The following SLFN11 variants were observed in gnomAD, a reference collection of about 807,000 sequenced individuals.
SLFN11 encodes the protein schlafen family member 11.
SLFN11 carries 43 observed loss-of-function variants against 53.4 expected under a neutral mutation model. That is an observed-to-expected ratio of 0.80 (90% CI 0.63 to 1.04). SLFN11 has a LOEUF of 1.04. Among genes scored for constraint, SLFN11 ranks in the 50% least tolerant of loss-of-function variants. The pLI, the probability that SLFN11 is intolerant of heterozygous loss-of-function variation, is 0.00. For synonymous variants in SLFN11, 389 were observed against 394.7 expected (o/e 0.99, Z 0.17); for missense variants, 990 against 1,079.1 (o/e 0.92, Z 1.16).
chr17:35,362,688 G>T (rs1169859528), intron 4 of SLFN11, 51 bp downstream of exon 4: 1 of 1,410,982 alleles, frequency 7.1e-7, no homozygotes, highest in East Asian at 2.3e-5. Context: ...TAATATGGGA[G>T]GTCCCAAGGA....
rs1906753939 is a variant in SLFN11 at position 35,352,152 on chromosome 17, CAG to C, written c.*202_*203del. On this transcript the variant is annotated 3_prime_UTR_variant, in exon 7 of 7. Transcript: ENST00000685675. ...CCACCATCTTTCTGGCTGGAAGAGT[CAG>C]GGGTCAGAATGGGGGGCAGCCACCG... 1.4e-5 allele frequency: 9 copies of C among 621,338 alleles called. No individual in the cohort carries two copies. The highest frequency in any genetic ancestry group is 2.5e-5 in the Non-Finnish European group (9 of 360,696). 38.5% of individuals were successfully genotyped at this position (621,338 alleles called of 1,614,324 possible).
At position 35,363,086 on chromosome 17, in the gene SLFN11, G is replaced by A. The variant is rs1300466976; in HGVS notation, c.722C>T (p.Thr241Ile). The change falls in exon 4 of 7, where the codon ACT becomes ATT. Residue 241 changes from threonine (T) to isoleucine (I), a missense_variant. Physicochemically the swap from Thr to Ile is moderately conservative, Grantham distance 89. Transcript: ENST00000685675. ...TCCAATAAAAAGATAGCCTCCTCCA[G>A]TGTTTGCAAATGCAGGGACGTATTC... ...IPEYVPAFAN[T>I]GGGYLFIGVD... is the part of the protein sequence containing the mutation. The A allele has an allele frequency of 1.2e-6, 2 of 1,613,850 alleles. No homozygotes were observed. The highest frequency in any genetic ancestry group is 1.7e-5 in the Admixed American group (1 of 59,974).
rs2141985822 is a variant in SLFN11, at chr17:35,368,171, C to T, written c.-234-471G>A. On this transcript the variant is annotated intron_variant, in intron 1 of 6. Transcript: ENST00000685675. Reference sequence around the variant, plus strand: ...TTCCCCTTTCCTTCCATCCTCCCACCCATCTCCCCTAGATCACAGGGGATT... The same window carrying T: ...TTCCCCTTTCCTTCCATCCTCCCACTCATCTCCCCTAGATCACAGGGGATT... Among the ~76,000 whole-genome samples the T allele has an allele frequency of 2.0e-5, 3 of 152,096 alleles. No individual in the cohort carries two copies. The South Asian group carries it at 6.2e-4, about 32-fold the overall frequency.
At chr17:35,356,529 G>T (rs1907490033) in intron 5 of SLFN11, among the ~76,000 whole-genome samples, 5 of 151,838 alleles carry the variant, frequency 3.3e-5, no homozygotes, top group African/African-American at 7.3e-5. Context: ...CAAATATTCT[G>T]CCCTTTCTTT....
chr17:35,360,962 C>T (rs865890241), intron 4 of SLFN11, among the ~76,000 whole-genome samples: 1 of 152,070 alleles, frequency 6.6e-6, no homozygotes, highest in African/African-American at 2.4e-5. Context: ...ATTCTGACAC[C>T]TATGCTTATT....
chr17:35,371,126 T>A (rs1909596250), intron 1 of SLFN11, among the ~76,000 whole-genome samples: 1 of 151,894 alleles, frequency 6.6e-6, no homozygotes, highest in Admixed American at 6.6e-5. Flanking sequence ...AACAGACACA[T>A]AGACCAATGG....
chr17:35,370,430 A>G (rs1909501469), intron 1 of SLFN11, among the ~76,000 whole-genome samples: 2 of 152,118 alleles, frequency 1.3e-5, no homozygotes, highest in Admixed American at 6.5e-5. Flanking sequence ...CACTATAAGG[A>G]TCCTCACTTT....
chr17:35,365,847 G>A (rs112906315), intron 3 of SLFN11, among the ~76,000 whole-genome samples: 151 of 152,134 alleles, frequency 9.9e-4, no homozygotes, highest in African/African-American at 3.0e-3. Flanking sequence ...TAATAAATAC[G>A]TTTATGTTTA....
Position 35,360,277 on chromosome 17 carries a change from T to C in SLFN11, c.1164A>G (p.Glu388=). 6.2e-7 allele frequency: 1 copy of C among 1,611,666 alleles called. No individual in the cohort carries two copies. Residue 388 remains glutamate, a synonymous_variant, in exon 5 of 7, where the codon GAA becomes GAG. Coordinates refer to ENST00000685675, the MANE Select transcript of SLFN11 (RefSeq NM_001376007.1). ...AAAGTTGCTGGAGTTCCTTTTTATG[T>C]TCCAGGCCTTTCTTGGAGTACACTG... is the stretch of plus-strand genomic sequence containing the variant. ...SRPVYSKKGL[E]HKKELQQLLF...
At chr17:35,370,024 T>A (rs1909453464) in intron 1 of SLFN11, among the ~76,000 whole-genome samples, 1 of 152,100 alleles carries the variant, frequency 6.6e-6, no homozygotes, top group Non-Finnish European at 1.5e-5. Flanking sequence ...AAGGCCAGTA[T>A]TACTGATACC....
intron 5 of SLFN11, among the ~76,000 whole-genome samples, chr17:35,355,892 G>C (rs1281330293): frequency 6.6e-6 from 1 of 152,042 alleles, no homozygotes; most frequent in Admixed American, 6.6e-5. Context: ...TCATCCTTCT[G>C]TCCTCAGAGC....
chr17:35,357,399 G>A (rs187085669), intron 5 of SLFN11, among the ~76,000 whole-genome samples: 12 of 151,720 alleles, frequency 7.9e-5, no homozygotes, highest in Admixed American at 6.6e-4. Context: ...TAAGTCTAAC[G>A]CAAAAATTAT....
Position 35,350,675 on chromosome 17 carries a change from A to ATT in SLFN11, c.*1679_*1680dup, listed in dbSNP as rs1906565520. 6.6e-6 allele frequency: 1 copy of ATT among 152,186 alleles called. No homozygotes were observed. The allele number at this position is 152,186 out of a possible 1,614,324, so 9.4% of individuals were successfully genotyped here. On this transcript the variant is annotated 3_prime_UTR_variant, in exon 7 of 7. Coordinates refer to ENST00000685675, the MANE Select transcript of SLFN11 (RefSeq NM_001376007.1). ...ATGCAGTCAGAAAGAAAAAAGAAAC[A>ATT]TTTATCTCATTTTGCTGATCTGTCA... is the stretch of plus-strand genomic sequence containing the variant.
rs1907029989 is a variant in SLFN11 at position 35,353,483 on chromosome 17, T to C, written c.1775A>G (p.Asn592Ser). Residue 592 changes from asparagine (N) to serine (S), a missense_variant, in exon 6 of 7, where the codon AAC becomes AGC. Asn to Ser is a conservative substitution (Grantham distance 46, BLOSUM62 1). Around this residue, in one of 3 missense-constraint regions of SLFN11, gnomAD observed 156 missense variants for 241.9 expected, o/e 0.64. Coordinates refer to ENST00000685675, the MANE Select transcript of SLFN11 (RefSeq NM_001376007.1). The part of the protein sequence containing the change: ...YEIFSRSLRK[N>S]RELFVHGLPG... ...TAAGCCGTGGACAAACAACTCTCTG[T>C]TCTTGCGGAGGCTTCTGGAGAATAT... 6.3e-7 allele frequency: 1 copy of C among 1,584,042 alleles called. No homozygotes were observed. Among genetic ancestry groups the C allele is most frequent in the Non-Finnish European group, 8.6e-7 (1 of 1,163,610 alleles).
chr17:35,372,836 T>G (rs894893309), intron 1 of SLFN11, among the ~76,000 whole-genome samples: 1 of 152,062 alleles, frequency 6.6e-6, no homozygotes, highest in African/African-American at 2.4e-5. Context: ...GCGACAGATG[T>G]GCCCTCTTGG....
intron 4 of SLFN11, among the ~76,000 whole-genome samples, chr17:35,361,797 T>C (rs984200653): frequency 6.6e-6 from 1 of 151,700 alleles, no homozygotes; most frequent in Non-Finnish European, 1.5e-5. Context: ...CAGACTGGAG[T>C]GCAGTGGTGC....
chr17:35,363,593 T>C lies in SLFN11; in HGVS notation c.215A>G (p.Glu72Gly). 6.2e-7 allele frequency: 1 copy of C among 1,613,886 alleles called. No homozygotes were observed. ...RMAKKVEHPV[E>G]MGLDLEQSLR... is the part of the protein sequence containing the mutation. ...AGACTGTTCTAAATCCAGTCCCATC[T>C]CCACGGGATGCTCAACCTTCTTGGC... Residue 72 changes from glutamate (E) to glycine (G), a missense_variant, in exon 4 of 7, where the codon GAG (glutamate) becomes GGG (glycine). Physicochemically the swap from Glu to Gly is moderately conservative, Grantham distance 98. Around this residue, in one of 3 missense-constraint regions of SLFN11, gnomAD observed 521 missense variants for 516.2 expected, o/e 1.01. Coordinates refer to ENST00000685675, the MANE Select transcript of SLFN11 (RefSeq NM_001376007.1).
chr17:35,370,121 A>T (rs1347717417), intron 1 of SLFN11, among the ~76,000 whole-genome samples: 1 of 152,186 alleles, frequency 6.6e-6, no homozygotes, highest in East Asian at 1.9e-4. Context: ...TACATTAAAA[A>T]GATCATTTAT....
chr17:35,363,517 C>T lies in SLFN11; in HGVS notation c.291G>A (p.Lys97=). 1 of 1,614,066 alleles carries T rather than the reference C, an allele frequency of 6.2e-7. No homozygotes were observed. Among genetic ancestry groups the T allele is most frequent in the Non-Finnish European group, 8.5e-7 (1 of 1,179,986 alleles). ...AAATGTAAAAACACCTTCCTTGTTGCTTGGTCTCAAAGAAAGCCTGCAGAT... is the reference window on the plus strand; with the variant it reads ...AAATGTAAAAACACCTTCCTTGTTGTTTGGTCTCAAAGAAAGCCTGCAGAT... ...SSDLQAFFET[K]QQGRCFYIFV... is the part of the protein sequence containing the mutation. The change falls in exon 4 of 7, where the codon AAG becomes AAA. Residue 97 remains lysine (K), a synonymous_variant. Transcript: ENST00000685675.
Sources: allele counts gnomAD v4.1 joint callset (sites outside exome capture counted in the v4.1 genomes callset), GRCh38; gene constraint gnomAD v4.1.1; regional missense constraint gnomAD v4.1.1; transcripts MANE v1.5; gene names NCBI Gene and HGNC (gene_info 2026-07-23, HGNC 2026-07-21).